Variants in CAMTA1 observed in about 807,000 individuals in gnomAD.
CAMTA1 encodes calmodulin-binding transcription activator 1.
In CAMTA1, 27 loss-of-function variants were observed where a neutral mutation model predicts 170.9. That is an observed-to-expected ratio of 0.16 (90% CI 0.12 to 0.22). CAMTA1 has a LOEUF of 0.22. Among genes scored for constraint, CAMTA1 ranks in the 10% least tolerant of loss-of-function variants. The pLI is 1.00. For synonymous variants in CAMTA1, 833 were observed against 891.5 expected, an observed-to-expected ratio of 0.93 and a Z score of 1.17; for missense variants, 1,619 against 2,217.2, an observed-to-expected ratio of 0.73 and a Z score of 5.42.
chr1:7,640,424 T>C lies in CAMTA1; in HGVS notation c.535T>C (p.Tyr179His). 6.2e-7 allele frequency: 1 copy of C among 1,614,090 alleles called. No homozygotes were observed. The highest frequency in any genetic ancestry group is 8.5e-7 in the Non-Finnish European group (1 of 1,180,012). The change falls in exon 7 of 23, where the codon TAC (tyrosine) becomes CAC (histidine). Residue 179 changes from tyrosine to histidine, a missense_variant. Physicochemically the swap from Tyr to His is moderately conservative, Grantham distance 83. This residue lies in a region of CAMTA1 where 97 missense variants were observed against 225.4 expected (regional missense o/e 0.43). Coordinates refer to ENST00000303635, the MANE Select transcript of CAMTA1 (RefSeq NM_015215.4). ...GAACCCCGACATCGTCCTGGTGCAC[T>C]ACCTGAACGTGCCGGCCATCGAGGA... ...LQNPDIVLVHYLNVPAIEDCG... is the reference protein window; with the variant it reads ...LQNPDIVLVHHLNVPAIEDCG...
chr1:7,311,370 C>A (rs911098312), intron 5 of CAMTA1, among the ~76,000 whole-genome samples: 2 of 152,104 alleles, frequency 1.3e-5, no homozygotes, highest in African/African-American at 2.4e-5. Flanking sequence ...CTGTAATCAC[C>A]ATTTGGCTCT....
At chr1:7,280,545 C>T (rs72863539) in intron 5 of CAMTA1, among the ~76,000 whole-genome samples, 5,147 of 152,328 alleles carry the variant, frequency 0.034, 247 homozygotes, top group African/African-American at 0.11. Context: ...GAAAGAGCAA[C>T]CAAGGGCAAG....
In CAMTA1 at chr1:7,062,724, C is replaced by T. The variant is rs575167211; in HGVS notation, c.235-28580C>T. Among the ~76,000 whole-genome samples, 4 of 152,292 alleles carry T rather than the reference C, an allele frequency of 2.6e-5. No homozygotes were observed. In the East Asian group the frequency reaches 5.8e-4, roughly 22 times the overall value. ...GTGGCTTTACCCAACAGAAATGCAC[C>T]CTCTCATAGTTCCCGAGGCCCGACC... On this transcript the variant is annotated intron_variant, in intron 3 of 22. Coordinates refer to ENST00000303635, the MANE Select transcript of CAMTA1 (RefSeq NM_015215.4).
chr1:7,302,814 G>A (rs961476843), intron 5 of CAMTA1, among the ~76,000 whole-genome samples: 20 of 152,308 alleles, frequency 1.3e-4, no homozygotes, highest in African/African-American at 4.1e-4. Context: ...TTCAATAAAC[G>A]TGGTTCACTA....
intron 5 of CAMTA1, among the ~76,000 whole-genome samples, chr1:7,458,780 C>G (rs1575440106): frequency 6.6e-6 from 1 of 152,226 alleles, no homozygotes; most frequent in African/African-American, 2.4e-5. Flanking sequence ...TGGGAGACAC[C>G]ATTGCAGATT....
In CAMTA1 at chr1:7,044,757, T is replaced by G. The variant is rs1558017175; in HGVS notation, c.235-46547T>G. On this transcript the variant is annotated intron_variant, in intron 3 of 22. Coordinates refer to ENST00000303635, the MANE Select transcript of CAMTA1 (RefSeq NM_015215.4). The surrounding 1 kb of genome is among the most constrained non-coding windows in gnomAD (Gnocchi z 5.0). Reference sequence around the variant, plus strand: ...GGGAGGGAACTTACCCTGCGTGCAGTCCTCCTGCCCCCCTGCCTGGCGCAT... The same window carrying G: ...GGGAGGGAACTTACCCTGCGTGCAGGCCTCCTGCCCCCCTGCCTGGCGCAT... 6.6e-6 allele frequency among the ~76,000 whole-genome samples: 1 copy of G among 151,748 alleles called. No homozygotes were observed. The highest frequency in any genetic ancestry group is 1.5e-5 in the Non-Finnish European group (1 of 67,914).
intron 5 of CAMTA1, among the ~76,000 whole-genome samples, chr1:7,280,078 A>G (rs1212117946): frequency 6.6e-6 from 1 of 152,176 alleles, no homozygotes; most frequent in Non-Finnish European, 1.5e-5. Flanking sequence ...GGATGCCTTT[A>G]TCCTTGCAAA....
chr1:7,319,926 G>T (rs1236521738), intron 5 of CAMTA1, among the ~76,000 whole-genome samples: 1 of 152,042 alleles, frequency 6.6e-6, no homozygotes. Context: ...ACGGAGAAAT[G>T]CAATTCTTTT....
At chr1:6,959,127 A>C (rs867611761) in intron 3 of CAMTA1, among the ~76,000 whole-genome samples, 28 of 152,240 alleles carry the variant, frequency 1.8e-4, no homozygotes, top group Admixed American at 6.5e-4. Flanking sequence ...GCAATTCTGC[A>C]GAGAGTCCTG....
At chr1:6,888,262 A>G in intron 3 of CAMTA1, 1 of 985,868 alleles carries the variant, frequency 1.0e-6, no homozygotes, top group Non-Finnish European at 1.2e-6. Context: ...GCCATTTATA[A>G]ATACCTTTTC....
At chr1:7,653,885 G>A (rs2095862787) in intron 7 of CAMTA1, among the ~76,000 whole-genome samples, 1 of 152,188 alleles carries the variant, frequency 6.6e-6, no homozygotes, top group Non-Finnish European at 1.5e-5. Context: ...GGACAGGCAT[G>A]AGCAGCCAGG....
intron 3 of CAMTA1, among the ~76,000 whole-genome samples, chr1:6,875,477 GT>G (rs1200637220): frequency 2.6e-5 from 4 of 152,174 alleles, no homozygotes; most frequent in Non-Finnish European, 5.9e-5. Context: ...TAGAAACGAG[GT>G]TTCACCATGT....
chr1:6,987,412 G>T (rs1695546188), intron 3 of CAMTA1, among the ~76,000 whole-genome samples: 1 of 152,204 alleles, frequency 6.6e-6, no homozygotes, highest in Non-Finnish European at 1.5e-5. Flanking sequence ...TGATCTGCCC[G>T]CCTTGGCCTC....
At chr1:7,713,756 T>G (rs1365558349) in intron 11 of CAMTA1, among the ~76,000 whole-genome samples, 4 of 152,186 alleles carry the variant, frequency 2.6e-5, no homozygotes, top group Non-Finnish European at 5.9e-5. Flanking sequence ...TACAAGATCT[T>G]ATATGTACGT....
At chr1:7,133,804 A>C (rs989648055) in intron 4 of CAMTA1, among the ~76,000 whole-genome samples, 13 of 152,166 alleles carry the variant, frequency 8.5e-5, no homozygotes, top group Non-Finnish European at 1.5e-4. Context: ...CAAATGGTGG[A>C]TGTTTTCTCT....
chr1:7,678,549 G>A (rs552140641), intron 11 of CAMTA1, among the ~76,000 whole-genome samples: 1 of 152,302 alleles, frequency 6.6e-6, no homozygotes, highest in African/African-American at 2.4e-5. Context: ...GGCAGGCTGG[G>A]GACGCCAGAG....
chr1:7,130,352 C>A (rs1645180107), intron 4 of CAMTA1, among the ~76,000 whole-genome samples: 1 of 152,188 alleles, frequency 6.6e-6, no homozygotes, highest in African/African-American at 2.4e-5. Context: ...AGATATGCCA[C>A]ATTTTTGCTA....
chr1:7,371,318 C>T (rs552721652), intron 5 of CAMTA1, among the ~76,000 whole-genome samples: 21 of 151,128 alleles, frequency 1.4e-4, no homozygotes, highest in Non-Finnish European at 2.5e-4. Flanking sequence ...AGTGCAGTGG[C>T]GTATCTCGGC....
chr1:7,137,733 C>T (rs957585649), intron 4 of CAMTA1, among the ~76,000 whole-genome samples: 3 of 152,158 alleles, frequency 2.0e-5, no homozygotes, highest in Non-Finnish European at 4.4e-5. Flanking sequence ...CTCCCTCCCT[C>T]GTTTCCTTCA....
Sources: gnomAD v4.1 joint callset for allele counts (sites outside exome capture counted in the v4.1 genomes callset) on GRCh38, gnomAD v4.1.1 for gene constraint, gnomAD v4.1.1 regional missense constraint, Gnocchi (gnomAD v3.1) non-coding constraint, MANE v1.5 for transcripts, NCBI Gene and HGNC (gene_info 2026-07-23, HGNC 2026-07-21) for gene names.